Variants in MTMR1 observed in about 807,000 individuals in gnomAD.
MTMR1 encodes phosphatidylinositol-3-phosphate phosphatase MTMR1.
MTMR1 carries 17 observed loss-of-function variants against 51.6 expected under a neutral mutation model. The ratio of observed to expected loss-of-function variants is 0.33; its 90% CI spans 0.23 to 0.49. The LOEUF (loss-of-function observed/expected upper bound fraction) is 0.49, where lower values mean the gene tolerates loss of function less well. MTMR1 is among the 20% of genes least tolerant of loss of function. The pLI is 0.99. For synonymous variants in MTMR1, 201 were observed against 205.6 expected (o/e 0.98, Z 0.19); for missense variants, 386 against 526.9 (o/e 0.73, Z 2.62).
intron 4 of MTMR1, 93 bp downstream of exon 4, chrX:150,718,793 GC>G: frequency 1.1e-6 from 1 of 873,334 alleles, no homozygotes; most frequent in Non-Finnish European, 1.6e-6. Context: ...CTGGAGATCC[GC>G]CAGACCAACT....
chrX:150,725,856 A>G (rs1557416740), intron 4 of MTMR1, among the ~76,000 whole-genome samples: 3 of 111,753 alleles, frequency 2.7e-5, no homozygotes, highest in Admixed American at 9.5e-5. Context: ...CACTGCACCC[A>G]TTGATCCAGG....
At position 150,762,658 on chromosome X, in the gene MTMR1, G is replaced by A. The variant is rs782190699; in HGVS notation, c.1951G>A (p.Ala651Thr). The A allele has an allele frequency of 5.5e-5, 66 of 1,207,812 alleles. No homozygotes were observed. The highest frequency in any genetic ancestry group is 2.0e-4 in the Admixed American group (9 of 45,688). Residue 651 changes from alanine (A) to threonine (T), a missense_variant, in exon 16 of 16, where the codon GCC (alanine) becomes ACC (threonine). Coordinates refer to ENST00000445323, the MANE Select transcript of MTMR1 (RefSeq NM_001306144.3). ...EGLQREVATR[A>T]VSSSSERGSS... is the part of the protein sequence containing the mutation. ...CCTACAGCGGGAGGTGGCCACGCGC[G>A]CCGTCTCATCCTCATCTGAGCGGGG...
chrX:150,712,971 G>A, intron 3 of MTMR1: 2 of 937,105 alleles, frequency 2.1e-6, no homozygotes, highest in Middle Eastern at 3.1e-4. Flanking sequence ...ACAAAGATTG[G>A]TAATGTGCAT....
At chrX:150,697,727 C>T (rs989215949) in intron 1 of MTMR1, among the ~76,000 whole-genome samples, 1 of 111,651 alleles carries the variant, frequency 9.0e-6, no homozygotes, top group African/African-American at 3.3e-5. Flanking sequence ...TGAGGCTGGG[C>T]AAGGCTACGT....
At position 150,729,299 on chromosome X, in the gene MTMR1, G is replaced by A. The variant is rs184014910; in HGVS notation, c.556-810G>A. 1.3e-4 allele frequency among the ~76,000 whole-genome samples: 15 copies of A among 111,204 alleles called. 1 individual carries two copies. Among genetic ancestry groups the A allele is most frequent in the Admixed American group, 1.3e-3 (14 of 10,440 alleles). ...CTTAGCTTGTAAGCAATCTTAAATAGCAAGTCAGCTCAGTCAGCCACCAAG... is the reference window on the plus strand; with the variant it reads ...CTTAGCTTGTAAGCAATCTTAAATAACAAGTCAGCTCAGTCAGCCACCAAG... On this transcript the variant is annotated intron_variant, in intron 6 of 15. Coordinates refer to ENST00000445323, the MANE Select transcript of MTMR1 (RefSeq NM_001306144.3).
intron 2 of MTMR1, 96 bp downstream of exon 2, chrX:150,699,396 AAC>A: frequency 3.9e-6 from 2 of 512,895 alleles, no homozygotes; most frequent in East Asian, 7.5e-5. Context: ...CTTTTGATGC[AAC>A]ATGGCCATTT....
At chrX:150,726,449 A>G (rs1384168445) in intron 4 of MTMR1, among the ~76,000 whole-genome samples, 1 of 111,637 alleles carries the variant, frequency 9.0e-6, no homozygotes, top group East Asian at 2.8e-4. Context: ...TTCCAATTAT[A>G]CCCAGAATCC....
chrX:150,737,103 AT>A (rs1424475237), intron 11 of MTMR1, 138 bp from the exon 12 acceptor site: 6 of 522,092 alleles, frequency 1.1e-5, no homozygotes, highest in African/African-American at 4.8e-5. Context: ...TTTCCTAGTG[AT>A]TCTCAGCTGA....
At chrX:150,755,044 AG>A (rs1421758580) in intron 14 of MTMR1, among the ~76,000 whole-genome samples, 16 of 93,483 alleles carry the variant, frequency 1.7e-4, no homozygotes, top group African/African-American at 6.4e-4. Context: ...AAAAAAAAAA[AG>A]GAGTCACAAA....
intron 4 of MTMR1, among the ~76,000 whole-genome samples, chrX:150,726,933 G>A (rs1056280163): frequency 1.8e-5 from 2 of 111,467 alleles, no homozygotes; most frequent in East Asian, 2.8e-4. Flanking sequence ...ATCACCCAGG[G>A]AAAATGTTAA....
chrX:150,721,860 G>A (rs1174594194), intron 4 of MTMR1, among the ~76,000 whole-genome samples: 1 of 111,167 alleles, frequency 9.0e-6, no homozygotes, highest in Non-Finnish European at 1.9e-5. Flanking sequence ...ATTTATTTGA[G>A]ATTTTTGTTA....
chrX:150,708,164 A>G (rs1233664053), intron 2 of MTMR1, among the ~76,000 whole-genome samples: 1 of 111,953 alleles, frequency 8.9e-6, no homozygotes, highest in African/African-American at 3.3e-5. Flanking sequence ...ATTGTAATCA[A>G]TGCCAATATC....
At chrX:150,693,257 C>G (rs1254011020), upstream of MTMR1, 2 of 133,153 alleles carry the variant, frequency 1.5e-5, no homozygotes, top group African/African-American at 6.4e-5. Flanking sequence ...CGCTGTAAGG[C>G]TCCGTGGGCG....
chrX:150,725,660 A>G (rs1442009348), intron 4 of MTMR1, among the ~76,000 whole-genome samples: 2 of 111,406 alleles, frequency 1.8e-5, no homozygotes, highest in African/African-American at 3.3e-5. Flanking sequence ...GTCCCCTCCT[A>G]CCCTTTATGC....
At chrX:150,728,855 CA>C (rs2042022715) in intron 6 of MTMR1, among the ~76,000 whole-genome samples, 1 of 108,837 alleles carries the variant, frequency 9.2e-6, no homozygotes, top group Non-Finnish European at 1.9e-5. Context: ...AGACTGCGTT[CA>C]AAACCATTTT....
intron 14 of MTMR1, among the ~76,000 whole-genome samples, chrX:150,754,307 C>G (rs1430490556): frequency 8.9e-6 from 1 of 112,745 alleles, no homozygotes; most frequent in African/African-American, 3.2e-5. Context: ...ATTCCAGATC[C>G]TTTGAATTTT....
At chrX:150,762,191 A>G (rs916805119) in intron 15 of MTMR1, among the ~76,000 whole-genome samples, 1 of 112,962 alleles carries the variant, frequency 8.9e-6, no homozygotes, top group African/African-American at 3.2e-5. Context: ...CTGCGTGGAA[A>G]CATTTCTGAC....
At position 150,761,064 on chromosome X, in the gene MTMR1, C is replaced by T. The variant is rs1206255440; in HGVS notation, c.1858-1501C>T. ...TGTGTGTCAGTGGTGTATTTCCCTG[C>T]GTGTCTTGCTTCTTGCTGAGGTCAC... On this transcript the variant is annotated intron_variant, in intron 15 of 15. Transcript: ENST00000445323. Among the ~76,000 whole-genome samples the T allele has an allele frequency of 7.2e-5, 8 of 111,473 alleles. No homozygotes were observed. In the Admixed American group the frequency reaches 7.6e-4, roughly 11 times the overall value.
At chrX:150,717,288 G>A (rs1445456010) in intron 3 of MTMR1, among the ~76,000 whole-genome samples, 1 of 103,196 alleles carries the variant, frequency 9.7e-6, no homozygotes, top group Non-Finnish European at 2.0e-5. Flanking sequence ...GAACCCGGGA[G>A]GCAGAGGTTG....
Sources: gnomAD v4.1 joint callset for allele counts (sites outside exome capture counted in the v4.1 genomes callset) on GRCh38, gnomAD v4.1.1 for gene constraint, MANE v1.5 for transcripts, NCBI Gene and HGNC (gene_info 2026-07-23, HGNC 2026-07-21) for gene names.